PML: variants seen among roughly 807,000 people sequenced by gnomAD.
The protein encoded by PML is PML nuclear body scaffold.
Under a neutral mutation model 65.2 loss-of-function variants are expected in PML, and 28 were observed. The observed-to-expected ratio is 0.43, with a 90% CI of 0.32 to 0.59. The LOEUF is 0.59. Ranked by LOEUF, PML falls within the 20% of genes least tolerant of loss-of-function variation. The pLI, the probability that PML is intolerant of heterozygous loss-of-function variation, is 0.08. For synonymous variants in PML, 500 were observed against 508.8 expected, an observed-to-expected ratio of 0.98 and a Z score of 0.23; for missense variants, 1,021 against 1,203.4, an observed-to-expected ratio of 0.85 and a Z score of 2.24.
Position 73,994,828 on chromosome 15 carries a change from G to A in PML, c.16G>A (p.Ala6Thr). The A allele has an allele frequency of 6.4e-7, 1 of 1,557,108 alleles. No homozygotes were observed. The highest frequency in any genetic ancestry group is 8.7e-7 in the Non-Finnish European group (1 of 1,150,266). Residue 6 changes from alanine to threonine, a missense_variant, in exon 1 of 9, where the codon GCC (alanine) becomes ACC (threonine). By Grantham distance (58) the Ala-to-Thr change is moderately conservative (BLOSUM62 0). Transcript: ENST00000268058. Reference protein sequence around the residue: MEPAPARSPRPQQDPA... With the variant: MEPAPTRSPRPQQDPA... ...GCTGGGGTCCATGGAGCCTGCACCCGCCCGATCTCCGAGGCCCCAGCAGGA... is the reference window on the plus strand; with the variant it reads ...GCTGGGGTCCATGGAGCCTGCACCCACCCGATCTCCGAGGCCCCAGCAGGA...
At chr15:74,016,073 T>C (rs921407806) in intron 2 of PML, among the ~76,000 whole-genome samples, 1 of 152,072 alleles carries the variant, frequency 6.6e-6, no homozygotes, top group Non-Finnish European at 1.5e-5. Context: ...GGTCAAGAGA[T>C]TGAGACCATC....
intron 1 of PML, among the ~76,000 whole-genome samples, chr15:73,997,793 G>T (rs2069578104): frequency 6.6e-6 from 1 of 152,234 alleles, no homozygotes; most frequent in Non-Finnish European, 1.5e-5. Flanking sequence ...GTGATGAGAA[G>T]TAGATGCTCA....
At chr15:74,010,734 T>C (rs1271109705) in intron 2 of PML, among the ~76,000 whole-genome samples, 1 of 152,102 alleles carries the variant, frequency 6.6e-6, no homozygotes, top group Non-Finnish European at 1.5e-5. Flanking sequence ...TTTCAGCCTA[T>C]GGATAAGTTG....
chr15:74,030,510 G>T (rs975372609), intron 4 of PML, among the ~76,000 whole-genome samples: 2 of 152,106 alleles, frequency 1.3e-5, no homozygotes, highest in Admixed American at 6.6e-5. Context: ...TTAGCTGGGC[G>T]TGGGGCTGTG....
At chr15:74,036,862 G>T in intron 7 of PML, 1 of 881,800 alleles carries the variant, frequency 1.1e-6, no homozygotes, top group African/African-American at 1.8e-5. Flanking sequence ...TGCCATCACC[G>T]AGCACTGTCG....
rs559860364 is a variant in PML at position 74,045,287 on chromosome 15, G to C, written c.*279G>C. 1.5e-4 allele frequency: 69 copies of C among 474,468 alleles called. No individual in the cohort carries two copies. Among genetic ancestry groups the C allele is most frequent in the Admixed American group, 6.7e-4 (18 of 26,720 alleles). The allele number at this position is 474,468 out of a possible 1,614,324, so 29.4% of individuals were successfully genotyped here. On this transcript the variant is annotated 3_prime_UTR_variant, in exon 9 of 9. Coordinates refer to ENST00000268058, the MANE Select transcript of PML (RefSeq NM_033238.3). ...ACCAGGGAGGTCCTGAGTGAGGAAG[G>C]CATGACCTCTGGGCTCTCTAGGTGG...
rs2071724542 is a variant in PML at position 74,042,890 on chromosome 15, G to T, written c.1711-99G>T. ...CCCAGTGGTACACCCTCCTTCATGTGCACGCAGATGCTCCCAGCTATACCA... is the reference window on the plus strand; with the variant it reads ...CCCAGTGGTACACCCTCCTTCATGTTCACGCAGATGCTCCCAGCTATACCA... On this transcript the variant is annotated intron_variant, in intron 7 of 8. Coordinates refer to ENST00000268058, the MANE Select transcript of PML (RefSeq NM_033238.3). This position sits in a 1 kb window ranked among gnomAD's most constrained non-coding sequence, Gnocchi z 5.3. 2 of 1,603,302 alleles carry T rather than the reference G, an allele frequency of 1.2e-6. No individual in the cohort carries two copies.
chr15:74,031,861 C>T lies in PML; in HGVS notation c.1255-711C>T, dbSNP rs76633342. On this transcript the variant is annotated intron_variant, in intron 4 of 8. Coordinates refer to ENST00000268058, the MANE Select transcript of PML (RefSeq NM_033238.3). The stretch of plus-strand genomic sequence containing the variant: ...TAAGTGCCAGGTATTTTATATTTTA[C>T]TTGTATTAACACATTTCATCCACAT... 6.8e-3 allele frequency among the ~76,000 whole-genome samples: 1,036 copies of T among 152,292 alleles called. 21 individuals carry two copies. The highest frequency in any genetic ancestry group is 0.012 in the Admixed American group (190 of 15,300).
At chr15:74,030,031 C>T (rs551999198) in intron 4 of PML, among the ~76,000 whole-genome samples, 190 of 152,266 alleles carry the variant, frequency 1.2e-3, no homozygotes, top group African/African-American at 4.2e-3. Flanking sequence ...GGACCCACCG[C>T]GGGGTTCTGG....
chr15:74,034,758 A>G, intron 7 of PML: 1 of 1,475,090 alleles, frequency 6.8e-7, no homozygotes, highest in Non-Finnish European at 9.0e-7. Context: ...TGAAATGCTG[A>G]TAGCATGTGT....
At chr15:74,007,955 C>A (rs1237519730) in intron 2 of PML, among the ~76,000 whole-genome samples, 1 of 152,180 alleles carries the variant, frequency 6.6e-6, no homozygotes, top group Non-Finnish European at 1.5e-5. Flanking sequence ...ACACTGTCTT[C>A]TGTATTATGT....
chr15:74,020,753 G>A (rs986881764), intron 2 of PML, among the ~76,000 whole-genome samples: 9 of 152,120 alleles, frequency 5.9e-5, no homozygotes, highest in Non-Finnish European at 1.3e-4. Context: ...CAGGGAGAAC[G>A]TTTTCTTGCC....
intron 2 of PML, among the ~76,000 whole-genome samples, chr15:74,014,710 C>T (rs1230569478): frequency 4.0e-5 from 6 of 151,242 alleles, no homozygotes; most frequent in African/African-American, 1.5e-4. Context: ...TGCAGTGAGC[C>T]GAGATCATGC....
rs117166576 is a variant in PML, at chr15:74,045,599, G to A, written c.*591G>A. The A allele has an allele frequency of 1.8e-4, 43 of 233,904 alleles. 1 individual carries two copies. In the South Asian group the frequency reaches 7.6e-3, roughly 41 times the overall value. 14.5% of individuals were successfully genotyped at this position (233,904 alleles called of 1,614,324 possible). A position where few individuals can be genotyped will look rare whatever the true frequency, so the allele number is the denominator to read the frequency against. ...CTCATCAGCAAAGACAGAAACTGATGTTCCATGCATGTCCCTGCTTCCAAA... is the reference window on the plus strand; with the variant it reads ...CTCATCAGCAAAGACAGAAACTGATATTCCATGCATGTCCCTGCTTCCAAA... On this transcript the variant is annotated 3_prime_UTR_variant, in exon 9 of 9. Transcript: ENST00000268058.
chr15:74,037,267 T>C lies in PML; in HGVS notation c.1710+2737T>C. On this transcript the variant is annotated intron_variant, in intron 7 of 8. Transcript: ENST00000268058. The surrounding 1 kb of genome is among the most constrained non-coding windows in gnomAD (Gnocchi z 4.2). ...CAGGGAGAAAACAGGAGCTCTCCAA[T>C]GGCATAGGGACAGTTGACATCTTGC... 1.0e-6 allele frequency: 1 copy of C among 985,400 alleles called. No individual in the cohort carries two copies. Among genetic ancestry groups the C allele is most frequent in the Non-Finnish European group, 1.2e-6 (1 of 829,920 alleles). 61.0% of individuals were successfully genotyped at this position (985,400 alleles called of 1,614,324 possible).
In PML at chr15:74,023,365, G is replaced by A. The variant is rs917535102; in HGVS notation, c.1140G>A (p.Lys380=). ...GCACCGATGGCTTCGACGAGTTCAAGGTGCGCCTGCAGGACCTCAGCTCTT... is the reference window on the plus strand; with the variant it reads ...GCACCGATGGCTTCGACGAGTTCAAAGTGCGCCTGCAGGACCTCAGCTCTT... ...AVRTDGFDEF[K]VRLQDLSSCI... Residue 380 remains lysine (K), a synonymous_variant, in exon 3 of 9, where the codon AAG becomes AAA. Transcript: ENST00000268058. 2 of 1,600,884 alleles carry A rather than the reference G, an allele frequency of 1.2e-6. No individual in the cohort carries two copies. The highest frequency in any genetic ancestry group is 1.7e-6 in the Non-Finnish European group (2 of 1,179,900).
Position 74,023,314 on chromosome 15 carries a change from G to T in PML, c.1089G>T (p.Glu363Asp). 6.2e-7 allele frequency: 1 copy of T among 1,608,398 alleles called. No individual in the cohort carries two copies. The change falls in exon 3 of 9, where the codon GAG (glutamate) becomes GAT (aspartate). Residue 363 changes from glutamate to aspartate, a missense_variant. Coordinates refer to ENST00000268058, the MANE Select transcript of PML (RefSeq NM_033238.3). ...RQALCRLRQE[E>D]PQSLQAAVRT... ...CGCTCTGCCGCCTGCGCCAGGAGGA[G>T]CCCCAGAGCCTGCAAGCTGCCGTGC... is the stretch of plus-strand genomic sequence containing the variant.
rs1315718895 is a variant in PML at position 74,037,392 on chromosome 15, T to C, written c.1710+2862T>C. 1 of 985,242 alleles carries C rather than the reference T, an allele frequency of 1.0e-6. No homozygotes were observed. The highest frequency in any genetic ancestry group is 1.7e-5 in the African/African-American group (1 of 57,216). 61.0% of individuals were successfully genotyped at this position (985,242 alleles called of 1,614,324 possible). A position where few individuals can be genotyped will look rare whatever the true frequency, so the allele number is the denominator to read the frequency against. On this transcript the variant is annotated intron_variant, in intron 7 of 8. Coordinates refer to ENST00000268058, the MANE Select transcript of PML (RefSeq NM_033238.3). This position sits in a 1 kb window ranked among gnomAD's most constrained non-coding sequence, Gnocchi z 4.2. ...CACCCTGTGTCCTGGCCCCAGCCCT[T>C]GACCCCCTGGGAGCCTCACTCCTCC... is the stretch of plus-strand genomic sequence containing the variant.
At chr15:74,022,183 C>T (rs904515553) in intron 2 of PML, among the ~76,000 whole-genome samples, 5 of 152,144 alleles carry the variant, frequency 3.3e-5, no homozygotes, top group South Asian at 2.1e-4. Context: ...TCTTGAACTC[C>T]CGACCTCAGG....
Sources: allele counts gnomAD v4.1 joint callset (sites outside exome capture counted in the v4.1 genomes callset), GRCh38; gene constraint gnomAD v4.1.1; non-coding constraint Gnocchi (gnomAD v3.1); transcripts MANE v1.5; gene names NCBI Gene and HGNC (gene_info 2026-07-23, HGNC 2026-07-21).